Variants in MTUS2 observed in about 807,000 individuals in gnomAD.
MTUS2 encodes the protein microtubule-associated tumor suppressor candidate 2.
MTUS2 carries 40 observed loss-of-function variants against 114.1 expected under a neutral mutation model. That is an observed-to-expected ratio of 0.35 (90% CI 0.27 to 0.46). MTUS2 has a LOEUF of 0.46. Among genes scored for constraint, MTUS2 ranks in the 20% least tolerant of loss-of-function variants. MTUS2 has a pLI of 1.00. For missense variants in MTUS2, 1,679 were observed against 1,705.4 expected (o/e 0.98, Z 0.27); for synonymous variants, 688 against 672.0 (o/e 1.02, Z -0.37).
intron 2 of MTUS2, among the ~76,000 whole-genome samples, chr13:29,003,993 G>A (rs1885493735): frequency 6.6e-6 from 1 of 152,160 alleles, no homozygotes; most frequent in South Asian, 2.1e-4. Context: ...TTTCCCAGGG[G>A]AAAGAAAGGG....
intron 5 of MTUS2, among the ~76,000 whole-genome samples, chr13:29,271,745 G>A (rs972137366): frequency 1.3e-5 from 2 of 152,186 alleles, no homozygotes; most frequent in African/African-American, 4.8e-5. Context: ...TCTGCAAATA[G>A]ACACAGTCAC....
intron 2 of MTUS2, among the ~76,000 whole-genome samples, chr13:28,971,044 G>A (rs1883831448): frequency 6.6e-6 from 1 of 152,132 alleles, no homozygotes; most frequent in Admixed American, 6.5e-5. Flanking sequence ...TATTCTAAAT[G>A]TTGCTCACAA....
intron 4 of MTUS2, among the ~76,000 whole-genome samples, chr13:29,070,262 A>G (rs1166331203): frequency 3.9e-5 from 6 of 152,108 alleles, no homozygotes; most frequent in Non-Finnish European, 7.4e-5. Flanking sequence ...CTTTCTCTTG[A>G]GGGTTAATCC....
At chr13:29,044,315 T>C (rs1433146835) in intron 4 of MTUS2, among the ~76,000 whole-genome samples, 1 of 152,214 alleles carries the variant, frequency 6.6e-6, no homozygotes, top group Non-Finnish European at 1.5e-5. Flanking sequence ...TTCTTATCTT[T>C]GGGTCTTTGT....
chr13:29,199,580 G>T (rs923387108), intron 5 of MTUS2, among the ~76,000 whole-genome samples: 1 of 152,106 alleles, frequency 6.6e-6, no homozygotes, highest in Non-Finnish European at 1.5e-5. Flanking sequence ...TGTTCTGTGG[G>T]GTTCAGTTTG....
At chr13:29,205,112 G>A (rs1465936998) in intron 5 of MTUS2, among the ~76,000 whole-genome samples, 2 of 152,188 alleles carry the variant, frequency 1.3e-5, no homozygotes, top group Non-Finnish European at 2.9e-5. Flanking sequence ...GTTAACAGAA[G>A]GGTGTTCTCT....
chr13:29,318,024 C>T (rs889222344), intron 6 of MTUS2, among the ~76,000 whole-genome samples: 7 of 152,302 alleles, frequency 4.6e-5, no homozygotes, highest in East Asian at 1.9e-4. Flanking sequence ...CTGCAATCCT[C>T]GTGTTCCCTG....
chr13:29,101,775 G>T (rs1433956787), intron 5 of MTUS2, among the ~76,000 whole-genome samples: 1 of 152,188 alleles, frequency 6.6e-6, no homozygotes, highest in Non-Finnish European at 1.5e-5. Context: ...TTTTGAAGGG[G>T]TTATAGAAGT....
intron 5 of MTUS2, among the ~76,000 whole-genome samples, chr13:29,178,694 A>ATT (rs1232499253): frequency 6.6e-6 from 1 of 151,822 alleles, no homozygotes; most frequent in East Asian, 1.9e-4. Context: ...AAAAAAAAAA[A>ATT]TTTTTTTCTC....
chr13:29,024,974 T>A lies in MTUS2; in HGVS notation c.276T>A (p.Ser92=), dbSNP rs1436734351. 6.2e-7 allele frequency: 1 copy of A among 1,613,102 alleles called. No homozygotes were observed. The highest frequency in any genetic ancestry group is 8.5e-7 in the Non-Finnish European group (1 of 1,179,680). The change falls in exon 3 of 16, where the codon TCT becomes TCA. Residue 92 remains serine (S), a synonymous_variant. Coordinates refer to ENST00000612955, the MANE Select transcript of MTUS2 (RefSeq NM_001033602.4). ...TTGGGAAAGGCTCTCAGGCTGGCTCTGCCAGCCTGAAAGATTTTAGACTTT... is the reference window on the plus strand; with the variant it reads ...TTGGGAAAGGCTCTCAGGCTGGCTCAGCCAGCCTGAAAGATTTTAGACTTT... The part of the protein sequence containing the change: ...QGFGKGSQAG[S]ASLKDFRLSS...
At chr13:29,474,967 AT>A (rs1197692130) in intron 9 of MTUS2, among the ~76,000 whole-genome samples, 4 of 152,162 alleles carry the variant, frequency 2.6e-5, no homozygotes, top group African/African-American at 9.7e-5. Context: ...GTGATAAATA[AT>A]TTTTTCCCAT....
intron 5 of MTUS2, among the ~76,000 whole-genome samples, chr13:29,111,353 T>G (rs1217771170): frequency 1.3e-5 from 2 of 152,178 alleles, no homozygotes; most frequent in African/African-American, 4.8e-5. Flanking sequence ...TTCTGTAAAA[T>G]GCAGAGCTAT....
At chr13:29,002,030 C>G (rs1885407698) in intron 2 of MTUS2, among the ~76,000 whole-genome samples, 1 of 152,314 alleles carries the variant, frequency 6.6e-6, no homozygotes, top group Admixed American at 6.5e-5. Context: ...GCGGCCCTGC[C>G]AGTGCCATGA....
intron 8 of MTUS2, among the ~76,000 whole-genome samples, chr13:29,425,208 G>T (rs1876419764): frequency 6.6e-6 from 1 of 152,148 alleles, no homozygotes. Context: ...GAGGTAAGGA[G>T]TTTGAGACCA....
intron 1 of MTUS2, among the ~76,000 whole-genome samples, chr13:28,835,035 T>C (rs987399818): frequency 1.3e-5 from 2 of 152,218 alleles, no homozygotes; most frequent in East Asian, 1.9e-4. Flanking sequence ...GGTGAAGATA[T>C]GGAAATGTTG....
chr13:29,296,706 G>A (rs1898962854), intron 6 of MTUS2, among the ~76,000 whole-genome samples: 1 of 152,084 alleles, frequency 6.6e-6, no homozygotes, highest in Admixed American at 6.6e-5. Context: ...TACTGATGTT[G>A]AACATTTTTT....
chr13:29,013,108 T>C (rs557791474), intron 2 of MTUS2, among the ~76,000 whole-genome samples: 3 of 152,212 alleles, frequency 2.0e-5, no homozygotes, highest in African/African-American at 7.2e-5. Flanking sequence ...TTGAAATGCC[T>C]ATAGGAAAAA....
rs181568284 is a variant in MTUS2 at position 29,155,973 on chromosome 13, G to A, written c.2644+55003G>A. On this transcript the variant is annotated intron_variant, in intron 5 of 15. Transcript: ENST00000612955. ...GGGCAGTAAATAGTTGGTCTGAATG[G>A]ACAGTAACCATAAACAGCCGTTTGC... 2.1e-3 allele frequency among the ~76,000 whole-genome samples: 313 copies of A among 152,132 alleles called. 1 individual carries two copies. The highest frequency in any genetic ancestry group is 3.6e-3 in the Non-Finnish European group (246 of 68,006).
chr13:28,867,680 C>T (rs1877383246), intron 2 of MTUS2, among the ~76,000 whole-genome samples: 1 of 152,142 alleles, frequency 6.6e-6, no homozygotes, highest in African/African-American at 2.4e-5. Flanking sequence ...CTATATCTAG[C>T]AGAGAGTGCA....
Sources: gnomAD v4.1 joint callset for allele counts (sites outside exome capture counted in the v4.1 genomes callset) on GRCh38, gnomAD v4.1.1 for gene constraint, MANE v1.5 for transcripts, NCBI Gene and HGNC (gene_info 2026-07-23, HGNC 2026-07-21) for gene names.